ODAD2: variants seen among roughly 807,000 people sequenced by gnomAD.
ODAD2 encodes outer dynein arm-docking complex subunit 2.
ODAD2 carries 89 observed loss-of-function variants against 106.8 expected under a neutral mutation model. That is an observed-to-expected ratio of 0.83 (90% CI 0.70 to 0.99). The LOEUF is 0.99. Among genes scored for constraint, ODAD2 ranks in the 50% least tolerant of loss-of-function variants. The pLI is 0.00. For synonymous variants in ODAD2, 404 were observed against 436.2 expected, an observed-to-expected ratio of 0.93 and a Z score of 0.92; for missense variants, 1,168 against 1,238.5, an observed-to-expected ratio of 0.94 and a Z score of 0.85.
chr10:27,837,712 C>T (rs1165982237), intron 19 of ODAD2, among the ~76,000 whole-genome samples: 1 of 152,138 alleles, frequency 6.6e-6, no homozygotes, highest in Admixed American at 6.5e-5. Context: ...ATTTCTCTTA[C>T]TTTTGCTCAT....
Position 27,895,041 on chromosome 10 carries a change from G to GAAAAA in ODAD2, c.2610+12617_2610+12621dup, listed in dbSNP as rs367930896. On this transcript the variant is annotated intron_variant, in intron 17 of 19. Transcript: ENST00000305242. Reference sequence around the variant, plus strand: ...AGAGAGACTCACTAGTCATCGGTACGAAAAAAAAAAAAAACTGTTAGCTCT... The same window carrying GAAAAA: ...AGAGAGACTCACTAGTCATCGGTACGAAAAAAAAAAAAAAAAAAACTGTTAGCTCT... Among the ~76,000 whole-genome samples the GAAAAA allele has an allele frequency of 1.6e-3, 217 of 136,292 alleles. 1 individual carries two copies. Among genetic ancestry groups the GAAAAA allele is most frequent in the African/African-American group, 5.5e-3 (199 of 36,442 alleles). 89.4% of individuals were successfully genotyped at this position (136,292 alleles called of 152,430 possible).
chr10:27,872,662 T>G (rs1840990149), intron 17 of ODAD2, among the ~76,000 whole-genome samples: 1 of 152,344 alleles, frequency 6.6e-6, no homozygotes, highest in Non-Finnish European at 1.5e-5. Flanking sequence ...TTACGTTTAT[T>G]GATTTGCATA....
chr10:27,941,690 C>A (rs1254486144), intron 12 of ODAD2, among the ~76,000 whole-genome samples: 2 of 147,948 alleles, frequency 1.4e-5, no homozygotes, highest in Non-Finnish European at 3.0e-5. Context: ...TGTCAGGTTG[C>A]CCCATGGAGG....
At chr10:27,880,821 T>C (rs943627855) in intron 17 of ODAD2, among the ~76,000 whole-genome samples, 1 of 152,234 alleles carries the variant, frequency 6.6e-6, no homozygotes, top group African/African-American at 2.4e-5. Flanking sequence ...CAGTCTGTAG[T>C]ATTTTGTTAT....
intron 10 of ODAD2, among the ~76,000 whole-genome samples, chr10:27,957,871 C>G (rs1337356606): frequency 6.6e-6 from 1 of 152,058 alleles, no homozygotes; most frequent in Non-Finnish European, 1.5e-5. Flanking sequence ...AGAGACATCA[C>G]TCTACTTGGA....
intron 17 of ODAD2, among the ~76,000 whole-genome samples, chr10:27,871,097 G>A (rs533844664): frequency 1.3e-5 from 2 of 152,266 alleles, no homozygotes; most frequent in East Asian, 3.9e-4. Context: ...GTACTTCTCT[G>A]ATGGCCACTG....
intron 17 of ODAD2, among the ~76,000 whole-genome samples, chr10:27,887,403 C>A (rs1271329612): frequency 6.6e-6 from 1 of 151,916 alleles, no homozygotes; most frequent in Non-Finnish European, 1.5e-5. Context: ...TATCCCATTT[C>A]CCATCATGCA....
intron 14 of ODAD2, among the ~76,000 whole-genome samples, chr10:27,938,875 C>T (rs539073800): frequency 2.0e-5 from 3 of 152,120 alleles, no homozygotes; most frequent in South Asian, 2.1e-4. Flanking sequence ...GCTGGGAATA[C>T]GGGGACTGCA....
At chr10:27,822,831 G>A (rs903517696) in intron 19 of ODAD2, among the ~76,000 whole-genome samples, 1 of 152,144 alleles carries the variant, frequency 6.6e-6, no homozygotes, top group African/African-American at 2.4e-5. Context: ...TGCAAAACTT[G>A]GATCTGCTTA....
intron 19 of ODAD2, among the ~76,000 whole-genome samples, chr10:27,819,934 G>A (rs1055130044): frequency 1.3e-5 from 2 of 152,154 alleles, no homozygotes; most frequent in Non-Finnish European, 2.9e-5. Flanking sequence ...TGGACCAAGA[G>A]GCAGCCTGGC....
intron 17 of ODAD2, among the ~76,000 whole-genome samples, chr10:27,902,244 T>TA (rs1210727061): frequency 2.6e-5 from 4 of 152,122 alleles, no homozygotes; most frequent in Non-Finnish European, 5.9e-5. Flanking sequence ...AATAAATAAG[T>TA]TCTTTGAAAT....
At chr10:27,823,905 C>A (rs1836815153) in intron 19 of ODAD2, among the ~76,000 whole-genome samples, 1 of 116,372 alleles carries the variant, frequency 8.6e-6, no homozygotes, top group South Asian at 2.9e-4. Context: ...CTTTGGGAGG[C>A]CGAGGCGGGC....
chr10:27,950,403 G>T (rs1847248731), intron 10 of ODAD2, among the ~76,000 whole-genome samples: 4 of 152,088 alleles, frequency 2.6e-5, no homozygotes, highest in Admixed American at 2.6e-4. Context: ...TGATGACTTA[G>T]CACTCAAAAA....
At chr10:27,937,110 A>G (rs1228805899) in intron 14 of ODAD2, among the ~76,000 whole-genome samples, 1 of 152,106 alleles carries the variant, frequency 6.6e-6, no homozygotes, top group Non-Finnish European at 1.5e-5. Flanking sequence ...GTACTCAGCA[A>G]TTCTCCCAAG....
At chr10:27,822,414 C>G (rs887458490) in intron 19 of ODAD2, among the ~76,000 whole-genome samples, 1 of 152,146 alleles carries the variant, frequency 6.6e-6, no homozygotes, top group African/African-American at 2.4e-5. Flanking sequence ...CCCAAAAGAT[C>G]TTAAGTGCCC....
Position 27,981,530 on chromosome 10 carries a change from T to A in ODAD2, c.872A>T (p.Tyr291Phe). 6.5e-7 allele frequency: 1 copy of A among 1,539,912 alleles called. No homozygotes were observed. The highest frequency in any genetic ancestry group is 8.6e-7 in the Non-Finnish European group (1 of 1,156,504). The change falls in exon 7 of 20, where the codon TAT (tyrosine) becomes TTT (phenylalanine). Residue 291 changes from tyrosine to phenylalanine, a missense_variant. Tyr to Phe is a conservative substitution (Grantham distance 22, BLOSUM62 3). This residue lies in a region of ODAD2 where 430 missense variants were observed against 452.2 expected (regional missense o/e 0.95). Coordinates refer to ENST00000305242, the MANE Select transcript of ODAD2 (RefSeq NM_018076.5). ...DVNYERKGSI[Y>F]KNLVTFLREK... is the part of the protein sequence containing the mutation. ...TCTTAAAAATGTGACAAGGTTTTTA[T>A]AAATTGAACCTTTTCTCTCATAATT...
rs7072798 is a variant in ODAD2 at position 27,971,011 on chromosome 10, C to T, written c.1142+97G>A. 0.049 allele frequency: 10,367 copies of T among 210,418 alleles called. 304 individuals are homozygous for T. Among genetic ancestry groups the T allele is most frequent in the African/African-American group, 0.23 (3,341 of 14,224 alleles). The allele number at this position is 210,418 out of a possible 1,614,324, so 13.0% of individuals were successfully genotyped here. A position where few individuals can be genotyped will look rare whatever the true frequency, so the allele number is the denominator to read the frequency against. ...ATAAATAAATAAATAAATAAATAAA[C>T]AAACAAACAAAATAAAATAAAATAA... On this transcript the variant is annotated intron_variant, in intron 8 of 19. Transcript: ENST00000305242.
chr10:27,973,736 G>A (rs1386660533), intron 7 of ODAD2, among the ~76,000 whole-genome samples: 2 of 152,118 alleles, frequency 1.3e-5, no homozygotes, highest in African/African-American at 4.8e-5. Context: ...GAATAGTGCT[G>A]CAATGAACAT....
At chr10:27,894,873 A>C (rs139589698) in intron 17 of ODAD2, among the ~76,000 whole-genome samples, 105 of 152,210 alleles carry the variant, frequency 6.9e-4, no homozygotes, top group African/African-American at 2.4e-3. Context: ...CTTCAAATGA[A>C]ATTTTTGTTT....
Sources: gnomAD v4.1 joint callset for allele counts (sites outside exome capture counted in the v4.1 genomes callset) on GRCh38, gnomAD v4.1.1 for gene constraint, gnomAD v4.1.1 regional missense constraint, MANE v1.5 for transcripts, NCBI Gene and HGNC (gene_info 2026-07-23, HGNC 2026-07-21) for gene names.